TENM3: variants seen among roughly 807,000 people sequenced by gnomAD.
The protein encoded by TENM3 is teneurin transmembrane protein 3, also known as teneurin-3.
Under a neutral mutation model 255.1 loss-of-function variants are expected in TENM3, and 63 were observed. The observed-to-expected ratio is 0.25, with a 90% confidence interval of 0.20 to 0.30. TENM3 has a LOEUF of 0.30. TENM3 is among the 10% of genes least tolerant of loss of function. The pLI, the probability that TENM3 is intolerant of heterozygous loss-of-function variation, is 1.00. For synonymous variants in TENM3, 1,306 were observed against 1,322.3 expected, an observed-to-expected ratio of 0.99 and a Z score of 0.27; for missense variants, 2,929 against 3,461.1, an observed-to-expected ratio of 0.85 and a Z score of 3.86.
chr4:182,528,305 A>G (rs926462401), intron 3 of TENM3, among the ~76,000 whole-genome samples: 2 of 152,014 alleles, frequency 1.3e-5, no homozygotes, highest in African/African-American at 4.8e-5. Context: ...TTTAGTAGAG[A>G]CAGGGTTTCA....
chr4:181,629,114 A>C, the TENM3 span, among the ~76,000 whole-genome samples: 6 of 152,028 alleles, frequency 3.9e-5, no homozygotes, highest in Non-Finnish European at 5.9e-5. Flanking sequence ...ATGGGAGTTC[A>C]CTCATGATTT....
chr4:181,658,754 C>A, the TENM3 span, among the ~76,000 whole-genome samples: 1 of 152,102 alleles, frequency 6.6e-6, no homozygotes, highest in Non-Finnish European at 1.5e-5. Flanking sequence ...ATTTAATTAG[C>A]CCACCTTGCA....
the TENM3 span, among the ~76,000 whole-genome samples, chr4:181,705,736 C>A: frequency 1.3e-5 from 2 of 152,118 alleles, no homozygotes; most frequent in Admixed American, 6.5e-5. Flanking sequence ...TGGACATGTA[C>A]CCCAGAACTT....
chr4:182,351,804 C>T (rs1196679963), intron 3 of TENM3, among the ~76,000 whole-genome samples: 1 of 152,140 alleles, frequency 6.6e-6, no homozygotes, highest in East Asian at 1.9e-4. Flanking sequence ...GCTCACCATT[C>T]CGTGCCATGG....
At chr4:181,815,204 C>A in the TENM3 span, among the ~76,000 whole-genome samples, 2 of 151,804 alleles carry the variant, frequency 1.3e-5, no homozygotes, top group Non-Finnish European at 2.9e-5. Flanking sequence ...GTAATCCCAG[C>A]ACTTTGGGAG....
chr4:182,758,640 A>G (rs797016259), intron 22 of TENM3, among the ~76,000 whole-genome samples: 2 of 152,108 alleles, frequency 1.3e-5, no homozygotes, highest in South Asian at 4.2e-4. Context: ...CGTGTCTGTA[A>G]TATTTCCCTT....
the TENM3 span, among the ~76,000 whole-genome samples, chr4:182,055,300 G>C: frequency 6.6e-6 from 1 of 151,894 alleles, no homozygotes; most frequent in Non-Finnish European, 1.5e-5. Context: ...AGCCATGATG[G>C]TGCCACTGCA....
chr4:182,710,345 A>G (rs984306201), intron 12 of TENM3, among the ~76,000 whole-genome samples: 5 of 152,230 alleles, frequency 3.3e-5, no homozygotes, highest in Non-Finnish European at 7.3e-5. Flanking sequence ...TTATAAAGAA[A>G]TTATATGAAT....
the TENM3 span, among the ~76,000 whole-genome samples, chr4:181,633,298 G>A: frequency 6.6e-6 from 1 of 152,220 alleles, no homozygotes; most frequent in African/African-American, 2.4e-5. Flanking sequence ...GAAAGCTTAT[G>A]TAGTCTGTGG....
chr4:182,126,211 CAG>C, the TENM3 span, among the ~76,000 whole-genome samples: 1 of 151,958 alleles, frequency 6.6e-6, no homozygotes. Flanking sequence ...TTTAGTTTTT[CAG>C]AGAGTAAGTA....
At chr4:182,234,300 C>T (rs944405834) in intron 1 of TENM3, among the ~76,000 whole-genome samples, 2 of 152,168 alleles carry the variant, frequency 1.3e-5, no homozygotes, top group African/African-American at 4.8e-5. Context: ...GCACGGTTCT[C>T]TCCTTAATCA....
chr4:182,353,538 C>T (rs1765318441), intron 3 of TENM3, among the ~76,000 whole-genome samples: 1 of 152,210 alleles, frequency 6.6e-6, no homozygotes, highest in African/African-American at 2.4e-5. Flanking sequence ...AAAATAACTA[C>T]ATTGCCTTGA....
the TENM3 span, among the ~76,000 whole-genome samples, chr4:181,590,294 G>A: frequency 5.9e-5 from 9 of 152,246 alleles, no homozygotes; most frequent in East Asian, 1.5e-3. Flanking sequence ...GGAAAATTCA[G>A]CTGCAGCCAA....
chr4:181,785,431 G>A, the TENM3 span, among the ~76,000 whole-genome samples: 4 of 152,142 alleles, frequency 2.6e-5, no homozygotes, highest in East Asian at 7.7e-4. Flanking sequence ...GGACCCAAAA[G>A]AGGCAAGCCA....
intron 3 of TENM3, among the ~76,000 whole-genome samples, chr4:182,390,947 T>A (rs1442130559): frequency 1.3e-5 from 2 of 152,184 alleles, no homozygotes; most frequent in East Asian, 3.9e-4. Context: ...CCCAACACAA[T>A]CGTGCACATG....
chr4:182,399,428 T>C (rs1469804653), intron 3 of TENM3, among the ~76,000 whole-genome samples: 1 of 152,244 alleles, frequency 6.6e-6, no homozygotes, highest in Admixed American at 6.5e-5. Flanking sequence ...TACCTTTGAA[T>C]TCCCATTATG....
At chr4:181,456,945 A>G in the TENM3 span, among the ~76,000 whole-genome samples, 1 of 151,804 alleles carries the variant, frequency 6.6e-6, no homozygotes, top group African/African-American at 2.4e-5. Context: ...CACCTCTTTC[A>G]CTGGAGTAAT....
At chr4:181,696,437 G>A in the TENM3 span, among the ~76,000 whole-genome samples, 1,820 of 152,218 alleles carry the variant, frequency 0.012, 15 homozygotes, top group Non-Finnish European at 0.019. Context: ...CATGAAAATT[G>A]TATTAGGAAT....
intron 6 of TENM3, among the ~76,000 whole-genome samples, chr4:182,654,945 AAT>A (rs999927778): frequency 7.9e-5 from 12 of 152,140 alleles, no homozygotes; most frequent in Admixed American, 1.3e-4. Context: ...TTTTTATAAT[AAT>A]AGTGAATCCC....
Sources: gnomAD v4.1 joint callset for allele counts (sites outside exome capture counted in the v4.1 genomes callset) on GRCh38, gnomAD v4.1.1 for gene constraint, MANE v1.5 for transcripts, NCBI Gene and HGNC (gene_info 2026-07-23, HGNC 2026-07-21) for gene names.